FAT4: variants seen among roughly 807,000 people sequenced by gnomAD.
FAT4 encodes the protein FAT atypical cadherin 4, also known as protocadherin Fat 4.
FAT4 carries 84 observed loss-of-function variants against 303.9 expected under a neutral mutation model. The ratio of observed to expected loss-of-function variants is 0.28; its 90% CI spans 0.23 to 0.33. The LOEUF (loss-of-function observed/expected upper bound fraction) is 0.33. FAT4 is among the 10% of genes least tolerant of loss of function. The probability of loss-of-function intolerance (pLI) is 1.00; values close to 1 mark genes in which losing one functional copy is unlikely to be tolerated. For missense variants in FAT4, 6,005 were observed against 6,146.8 expected (o/e 0.98, Z 0.77); for synonymous variants, 2,307 against 2,298.8 (o/e 1.00, Z -0.10).
intron 16 of FAT4, among the ~76,000 whole-genome samples, chr4:125,486,420 A>C (rs1381663624): frequency 6.6e-6 from 1 of 152,188 alleles, no homozygotes; most frequent in Non-Finnish European, 1.5e-5. Flanking sequence ...TGTTTGTTAC[A>C]TGTAGAAATA....
chr4:125,344,376 A>G (rs1448216736), intron 2 of FAT4, among the ~76,000 whole-genome samples: 3 of 152,092 alleles, frequency 2.0e-5, no homozygotes, highest in East Asian at 1.9e-4. Flanking sequence ...TGTTATTTTA[A>G]TTCACTTTTC....
intron 8 of FAT4, among the ~76,000 whole-genome samples, chr4:125,436,193 TA>T (rs34055140): frequency 6.7e-6 from 1 of 148,616 alleles, no homozygotes; most frequent in African/African-American, 2.5e-5. Flanking sequence ...AGTATAATAA[TA>T]AAAAAAAAAC....
chr4:125,471,057 G>C (rs868442494), intron 12 of FAT4, among the ~76,000 whole-genome samples: 5 of 152,276 alleles, frequency 3.3e-5, no homozygotes, highest in African/African-American at 7.2e-5. Flanking sequence ...TTTATCTCAA[G>C]GTACAAGGAA....
At chr4:125,390,287 G>A (rs1487561659) in intron 2 of FAT4, among the ~76,000 whole-genome samples, 5 of 151,994 alleles carry the variant, frequency 3.3e-5, no homozygotes, top group Admixed American at 6.6e-5. Context: ...ACCCTGATGC[G>A]GTCATACTGA....
chr4:125,395,859 G>T (rs573416669), intron 2 of FAT4, among the ~76,000 whole-genome samples: 1 of 152,130 alleles, frequency 6.6e-6, no homozygotes, highest in African/African-American at 2.4e-5. Context: ...AAAGCAAAAA[G>T]AAAGACTTTT....
At chr4:125,364,764 G>A (rs574366615) in intron 2 of FAT4, among the ~76,000 whole-genome samples, 1 of 152,250 alleles carries the variant, frequency 6.6e-6, no homozygotes, top group African/African-American at 2.4e-5. Flanking sequence ...AGAGACCCTG[G>A]AAGGTCAGCT....
intron 12 of FAT4, among the ~76,000 whole-genome samples, chr4:125,475,308 C>G (rs556093100): frequency 7.3e-4 from 111 of 152,180 alleles, no homozygotes; most frequent in African/African-American, 2.3e-3. Flanking sequence ...TTAGACTGCA[C>G]TGCAGCCATC....
Position 125,351,985 on chromosome 4 carries a change from G to A in FAT4, c.5175+30399G>A, listed in dbSNP as rs148614420. On this transcript the variant is annotated intron_variant, in intron 2 of 17. Transcript: ENST00000394329. ...AGAACGGTTGATGCTACCTGTTGAA[G>A]CATTTTATAGTGGAATTTCAATAAA... 3.8e-3 allele frequency among the ~76,000 whole-genome samples: 573 copies of A among 151,742 alleles called. 5 individuals are homozygous for A. The highest frequency in any genetic ancestry group is 8.6e-3 in the Admixed American group (131 of 15,180).
At chr4:125,469,176 T>C (rs1178661575) in intron 12 of FAT4, among the ~76,000 whole-genome samples, 1 of 152,204 alleles carries the variant, frequency 6.6e-6, no homozygotes, top group Non-Finnish European at 1.5e-5. Context: ...GAGGAGACTT[T>C]TCTACAAAAT....
At chr4:125,475,469 C>T (rs1484696308) in intron 12 of FAT4, among the ~76,000 whole-genome samples, 1 of 152,002 alleles carries the variant, frequency 6.6e-6, no homozygotes, top group Non-Finnish European at 1.5e-5. Context: ...CAAGGGAATA[C>T]GCATCCCTTA....
In FAT4 at chr4:125,319,287, C is replaced by G; in HGVS notation, c.2876C>G (p.Ala959Gly). The G allele has an allele frequency of 6.2e-7, 1 of 1,614,142 alleles. No homozygotes were observed. The change falls in exon 2 of 18, where the codon GCT (alanine) becomes GGT (glycine). Residue 959 changes from alanine (A) to glycine (G), a missense_variant. By Grantham distance (60) the Ala-to-Gly change is moderately conservative. Transcript: ENST00000394329. Reference protein sequence around the residue: ...ISLLGPLDVHAGSYQIEILAS... With the variant: ...ISLLGPLDVHGGSYQIEILAS... ...CTGCTTGGGCCCCTGGATGTTCATG[C>G]TGGCTCCTACCAAATAGAGATCTTG...
At chr4:125,345,134 C>A (rs1731946420) in intron 2 of FAT4, among the ~76,000 whole-genome samples, 1 of 152,122 alleles carries the variant, frequency 6.6e-6, no homozygotes, top group Non-Finnish European at 1.5e-5. Context: ...TCCATTTACA[C>A]ATTGTAGATG....
At chr4:125,395,665 G>A (rs1734142930) in intron 2 of FAT4, among the ~76,000 whole-genome samples, 1 of 152,040 alleles carries the variant, frequency 6.6e-6, no homozygotes, top group Admixed American at 6.6e-5. Flanking sequence ...TTGGGAAAGA[G>A]GATAGCCTGA....
At position 125,315,256 on chromosome 4, in the gene FAT4, A is replaced by G. The variant is rs1405059199; in HGVS notation, c.-734A>G. Among the ~76,000 whole-genome samples, 1 of 152,080 alleles carries G rather than the reference A, an allele frequency of 6.6e-6. No homozygotes were observed. The highest frequency in any genetic ancestry group is 1.9e-4 in the East Asian group (1 of 5,140). Reference sequence around the variant, plus strand: ...GTCCGGAGCTGCGGAGGGCGTCACTACAGCCCAGCGCCGACTTCGCCGCCT... The same window carrying G: ...GTCCGGAGCTGCGGAGGGCGTCACTGCAGCCCAGCGCCGACTTCGCCGCCT... On this transcript the variant is annotated 5_prime_UTR_variant, in exon 1 of 18. Coordinates refer to ENST00000394329, the MANE Select transcript of FAT4 (RefSeq NM_001291303.3).
At position 125,450,147 on chromosome 4, in the gene FAT4, C is replaced by G. The variant is rs775075654; in HGVS notation, c.9137C>G (p.Ala3046Gly). The G allele has an allele frequency of 2.5e-6, 4 of 1,613,720 alleles. No homozygotes were observed. The East Asian group carries it at 8.9e-5, about 36-fold the overall frequency. Residue 3046 changes from alanine (A) to glycine (G), a missense_variant, in exon 10 of 18, where the codon GCA becomes GGA. Physicochemically the swap from Ala to Gly is moderately conservative, Grantham distance 60 (BLOSUM62 0). Coordinates refer to ENST00000394329, the MANE Select transcript of FAT4 (RefSeq NM_001291303.3). ...LDNDTGWISV[A>G]SSLISDLNQN... ...AATGATACGGGGTGGATTTCAGTAG[C>G]ATCCTCCCTGATTTCTGACTTGAAC... is the stretch of plus-strand genomic sequence containing the variant.
At chr4:125,377,802 T>C (rs1343083306) in intron 2 of FAT4, among the ~76,000 whole-genome samples, 2 of 151,438 alleles carry the variant, frequency 1.3e-5, no homozygotes, top group African/African-American at 2.5e-5. Context: ...TTGATTTTAA[T>C]ATTACTTTAT....
chr4:125,345,463 C>G (rs561717650), intron 2 of FAT4, among the ~76,000 whole-genome samples: 1 of 151,222 alleles, frequency 6.6e-6, no homozygotes, highest in Non-Finnish European at 1.5e-5. Context: ...AAAAAACACA[C>G]AAAAAGTGGT....
intron 11 of FAT4, among the ~76,000 whole-genome samples, chr4:125,467,278 G>A (rs550601076): frequency 5.5e-4 from 83 of 152,246 alleles, no homozygotes; most frequent in African/African-American, 1.9e-3. Flanking sequence ...TCTTGGTTCT[G>A]TGACCTTAGG....
Position 125,447,059 on chromosome 4 carries a change from C to G in FAT4, c.7450+516C>G, listed in dbSNP as rs1018755683. The stretch of plus-strand genomic sequence containing the variant: ...AATTCTTGTTAATATTTATTTTATT[C>G]CAGGTTTTACAAATGAAAACTGTTC... On this transcript the variant is annotated intron_variant, in intron 9 of 17. Coordinates refer to ENST00000394329, the MANE Select transcript of FAT4 (RefSeq NM_001291303.3). Among the ~76,000 whole-genome samples, 12 of 151,926 alleles carry G rather than the reference C, an allele frequency of 7.9e-5. No homozygotes were observed. The East Asian group carries it at 1.5e-3, about 20-fold the overall frequency.
Sources: gnomAD v4.1 joint callset for allele counts (sites outside exome capture counted in the v4.1 genomes callset) on GRCh38, gnomAD v4.1.1 for gene constraint, MANE v1.5 for transcripts, NCBI Gene and HGNC (gene_info 2026-07-23, HGNC 2026-07-21) for gene names.